NEDD4: variants seen among roughly 807,000 people sequenced by gnomAD.
NEDD4 encodes the protein E3 ubiquitin-protein ligase NEDD4.
A neutral mutation model predicts 144.9 loss-of-function variants in NEDD4; 99 were observed. The ratio of observed to expected loss-of-function variants is 0.68; its 90% CI spans 0.58 to 0.81. The LOEUF (loss-of-function observed/expected upper bound fraction) is 0.81, where lower values mean the gene tolerates loss of function less well. NEDD4 is among the 30% of genes least tolerant of loss of function. The pLI, the probability that NEDD4 is intolerant of heterozygous loss-of-function variation, is 0.00. For missense variants in NEDD4, 985 were observed against 1,065.9 expected (o/e 0.92, Z 1.06); for synonymous variants, 318 against 350.6 (o/e 0.91, Z 1.04).
intron 5 of NEDD4, among the ~76,000 whole-genome samples, chr15:55,909,723 G>A (rs571175595): frequency 2.6e-5 from 4 of 152,196 alleles, no homozygotes; most frequent in South Asian, 4.1e-4. Flanking sequence ...GGACACAAAC[G>A]GGTGAGGCCT....
At chr15:55,901,458 G>C (rs2035912571) in intron 5 of NEDD4, among the ~76,000 whole-genome samples, 1 of 152,068 alleles carries the variant, frequency 6.6e-6, no homozygotes, top group Non-Finnish European at 1.5e-5. Context: ...TTCTCCTTCA[G>C]TACATCCAGT....
At chr15:55,904,135 G>T (rs1595822950) in intron 5 of NEDD4, among the ~76,000 whole-genome samples, 1 of 151,948 alleles carries the variant, frequency 6.6e-6, no homozygotes, top group African/African-American at 2.4e-5. Context: ...GCACTCCAGG[G>T]ACAAGAGCAA....
At chr15:55,870,870 T>G (rs1022313523) in intron 7 of NEDD4, among the ~76,000 whole-genome samples, 3 of 152,172 alleles carry the variant, frequency 2.0e-5, no homozygotes, top group African/African-American at 7.2e-5. Flanking sequence ...AATTCTAGTA[T>G]CCTATGATTT....
In NEDD4 at chr15:55,846,202, G is replaced by T. The variant is rs556140918; in HGVS notation, c.1608+767C>A. On this transcript the variant is annotated intron_variant, in intron 18 of 28. Coordinates refer to ENST00000435532, the MANE Select transcript of NEDD4 (RefSeq NM_006154.4). ...ATGTTTTCTTTTTGCTAAAAATTTGGGTGAAACTCTGAGGTGGCCCACCCA... is the reference window on the plus strand; with the variant it reads ...ATGTTTTCTTTTTGCTAAAAATTTGTGTGAAACTCTGAGGTGGCCCACCCA... Among the ~76,000 whole-genome samples, 10 of 152,246 alleles carry T rather than the reference G, an allele frequency of 6.6e-5. No individual in the cohort carries two copies. In the East Asian group the frequency reaches 1.7e-3, roughly 26 times the overall value.
intron 14 of NEDD4, 105 bp downstream of exon 14, chr15:55,850,437 T>G: frequency 1.9e-6 from 2 of 1,030,680 alleles, no homozygotes; most frequent in Non-Finnish European, 2.9e-6. Context: ...CAATGAATAT[T>G]AGGAAACATA....
At chr15:55,925,958 C>T (rs2036654422) in intron 4 of NEDD4, among the ~76,000 whole-genome samples, 1 of 151,508 alleles carries the variant, frequency 6.6e-6, no homozygotes, top group South Asian at 2.1e-4. Context: ...CTGTATCATA[C>T]AGTATGTATA....
intron 1 of NEDD4, among the ~76,000 whole-genome samples, chr15:55,993,167 C>G (rs1456038896): frequency 6.6e-6 from 1 of 152,214 alleles, no homozygotes; most frequent in Non-Finnish European, 1.5e-5. Context: ...GCACACCCGG[C>G]GGGGGTGGCA....
intron 2 of NEDD4, among the ~76,000 whole-genome samples, chr15:55,957,357 G>A (rs1383803062): frequency 1.3e-5 from 2 of 152,130 alleles, no homozygotes; most frequent in Non-Finnish European, 2.9e-5. Flanking sequence ...AGACAACTTT[G>A]CCTTATTCCT....
At chr15:55,861,779 A>C (rs1282589038) in intron 9 of NEDD4, among the ~76,000 whole-genome samples, 1 of 152,206 alleles carries the variant, frequency 6.6e-6, no homozygotes, top group Non-Finnish European at 1.5e-5. Flanking sequence ...TATCAGATCA[A>C]GAATTTTGTT....
At chr15:55,919,115 CT>C (rs1385420776) in intron 5 of NEDD4, among the ~76,000 whole-genome samples, 4 of 152,152 alleles carry the variant, frequency 2.6e-5, no homozygotes, top group African/African-American at 9.7e-5. Flanking sequence ...TCCATGTCCC[CT>C]AACTAGATTT....
Position 55,949,896 on chromosome 15 carries a change from C to T in NEDD4, c.237+1480G>A, listed in dbSNP as rs572297056. Among the ~76,000 whole-genome samples the T allele has an allele frequency of 1.1e-4, 17 of 151,116 alleles. No individual in the cohort carries two copies. The South Asian group carries it at 2.5e-3, about 22-fold the overall frequency. On this transcript the variant is annotated intron_variant, in intron 4 of 28. Coordinates refer to ENST00000435532, the MANE Select transcript of NEDD4 (RefSeq NM_006154.4). ...AGCACACCAATATGGCACGTGTATA[C>T]ATATGTAACAAACCTGCACGTTGTG...
chr15:55,916,486 A>G (rs745470209), intron 5 of NEDD4: 3 of 1,613,940 alleles, frequency 1.9e-6, no homozygotes, highest in Non-Finnish European at 2.5e-6. Context: ...TTCAAGATAC[A>G]AGTAAACGAA....
chr15:55,839,994 AAAAAAATATATATATATATATATATAT>A (rs1183834384), intron 21 of NEDD4, among the ~76,000 whole-genome samples: 3,773 of 39,260 alleles, frequency 0.096, 261 homozygotes, highest in Non-Finnish European at 0.13. Context: ...AAAAAAAAAA[AAAAAAATATATATATATATATATATAT>A]ATATATATAT....
rs576225717 is a variant in NEDD4, at chr15:55,933,536, G to A, written c.238-8837C>T. ...ACACACTGGGGCCTGTCGTGGGGTGGGGGGAGGGGGAAGGGGGAGGGATAG... is the reference window on the plus strand; with the variant it reads ...ACACACTGGGGCCTGTCGTGGGGTGAGGGGAGGGGGAAGGGGGAGGGATAG... On this transcript the variant is annotated intron_variant, in intron 4 of 28. Transcript: ENST00000435532. 7.9e-5 allele frequency among the ~76,000 whole-genome samples: 10 copies of A among 127,274 alleles called. No homozygotes were observed. In the South Asian group the frequency reaches 3.0e-3, roughly 38 times the overall value. The allele number at this position is 127,274 out of a possible 152,430, so 83.5% of individuals were successfully genotyped here.
At chr15:55,924,322 G>T (rs2036623197) in intron 5 of NEDD4, 2 of 233,720 alleles carry the variant, frequency 8.6e-6, no homozygotes, top group South Asian at 1.9e-4. Context: ...CAGAGCCATG[G>T]AGTAGGAACC....
intron 1 of NEDD4, 93 bp from the exon 2 acceptor site, chr15:55,966,639 G>T: frequency 5.8e-6 from 3 of 513,196 alleles, no homozygotes; most frequent in South Asian, 5.0e-5. Flanking sequence ...AAAGTAATTA[G>T]GATATTAAAA....
At chr15:55,944,835 T>C (rs1223299831) in intron 4 of NEDD4, among the ~76,000 whole-genome samples, 1 of 152,158 alleles carries the variant, frequency 6.6e-6, no homozygotes, top group Non-Finnish European at 1.5e-5. Flanking sequence ...TATTTGCTGT[T>C]CTGCAGCCTC....
intron 5 of NEDD4, among the ~76,000 whole-genome samples, chr15:55,914,654 T>A (rs1374778441): frequency 6.6e-6 from 1 of 151,888 alleles, no homozygotes; most frequent in Non-Finnish European, 1.5e-5. Context: ...ATTCCTGTGG[T>A]TAAGGGTATA....
intron 5 of NEDD4, among the ~76,000 whole-genome samples, chr15:55,894,269 T>C (rs1425451316): frequency 2.0e-5 from 3 of 152,116 alleles, no homozygotes; most frequent in Non-Finnish European, 4.4e-5. Flanking sequence ...AAAATACAAA[T>C]TAAAAAACAA....
Sources: allele counts gnomAD v4.1 joint callset (sites outside exome capture counted in the v4.1 genomes callset), GRCh38; gene constraint gnomAD v4.1.1; transcripts MANE v1.5; gene names NCBI Gene and HGNC (gene_info 2026-07-23, HGNC 2026-07-21).